Variants in RAP1GAP2 observed in about 807,000 individuals in gnomAD.
RAP1GAP2 encodes rap1 GTPase-activating protein 2.
RAP1GAP2 carries 27 observed loss-of-function variants against 95.0 expected under a neutral mutation model. The observed-to-expected ratio is 0.28, with a 90% CI of 0.21 to 0.39. The LOEUF (loss-of-function observed/expected upper bound fraction) is 0.39, where lower values mean the gene tolerates loss of function less well. Ranked by LOEUF, RAP1GAP2 falls within the 10% of genes least tolerant of loss-of-function variation. The probability of loss-of-function intolerance (pLI) is 1.00; values close to 1 mark genes in which losing one functional copy is unlikely to be tolerated. For synonymous variants in RAP1GAP2, 373 were observed against 380.9 expected, an observed-to-expected ratio of 0.98 and a Z score of 0.24; for missense variants, 771 against 970.0, an observed-to-expected ratio of 0.79 and a Z score of 2.72.
intron 1 of RAP1GAP2, among the ~76,000 whole-genome samples, chr17:2,757,262 G>A (rs1280459894): frequency 6.6e-6 from 1 of 152,126 alleles, no homozygotes; most frequent in Non-Finnish European, 1.5e-5. Context: ...GGGACTGCAG[G>A]CATGGGCCAT....
Position 2,963,333 on chromosome 17 carries a change from C to T in RAP1GAP2, c.247-97C>T, listed in dbSNP as rs1249893144. 1.9e-5 allele frequency: 26 copies of T among 1,381,534 alleles called. No individual in the cohort carries two copies. The highest frequency in any genetic ancestry group is 3.6e-4 in the Middle Eastern group (2 of 5,604). The allele number at this position is 1,381,534 out of a possible 1,614,324, so 85.6% of individuals were successfully genotyped here. On this transcript the variant is annotated intron_variant, in intron 5 of 24. Coordinates refer to ENST00000254695, the MANE Select transcript of RAP1GAP2 (RefSeq NM_015085.5). This position sits in a 1 kb window ranked among gnomAD's most constrained non-coding sequence, Gnocchi z 4.8. Reference sequence around the variant, plus strand: ...ATCGAATGTTCCTCCCTCAAAGCCCCCCCACAACATATCCCCCTTGCAAGA... The same window carrying T: ...ATCGAATGTTCCTCCCTCAAAGCCCTCCCACAACATATCCCCCTTGCAAGA...
At chr17:2,801,597 ATG>A (rs71150898) in intron 2 of RAP1GAP2, among the ~76,000 whole-genome samples, 4,992 of 121,398 alleles carry the variant, frequency 0.041, 91 homozygotes, top group African/African-American at 0.069. Flanking sequence ...ACTCCAGGGT[ATG>A]TGTGTGTGTG....
At chr17:2,769,232 TAAAAAAAAAAAAA>T (rs58436827) in intron 1 of RAP1GAP2, among the ~76,000 whole-genome samples, 21 of 42,912 alleles carry the variant, frequency 4.9e-4, no homozygotes, top group East Asian at 1.8e-3. Flanking sequence ...ACCATTTCTC[TAAAAAAAAAAAAA>T]AAAAAAAAAA....
chr17:2,895,721 C>T lies in RAP1GAP2; in HGVS notation c.81-9563C>T, dbSNP rs566946871. Among the ~76,000 whole-genome samples the T allele has an allele frequency of 1.4e-4, 21 of 152,146 alleles. No individual in the cohort carries two copies. In the South Asian group the frequency reaches 1.5e-3, roughly 11 times the overall value. On this transcript the variant is annotated intron_variant, in intron 2 of 24. Coordinates refer to ENST00000254695, the MANE Select transcript of RAP1GAP2 (RefSeq NM_015085.5). ...CCTCCCGAGTAGCTGGGATTACAGGCGCCTGCCACCATGCCTGGCTAATTT... is the reference window on the plus strand; with the variant it reads ...CCTCCCGAGTAGCTGGGATTACAGGTGCCTGCCACCATGCCTGGCTAATTT...
intron 3 of RAP1GAP2, among the ~76,000 whole-genome samples, chr17:2,946,759 CT>C (rs1447322030): frequency 1.3e-5 from 2 of 152,216 alleles, no homozygotes; most frequent in South Asian, 2.1e-4. Flanking sequence ...GCCTAGGAAA[CT>C]TTTTTTATTT....
chr17:2,985,840 A>T (rs1226276862), intron 11 of RAP1GAP2, among the ~76,000 whole-genome samples: 1 of 152,086 alleles, frequency 6.6e-6, no homozygotes, highest in Non-Finnish European at 1.5e-5. Flanking sequence ...ACTTTGTTGA[A>T]CTTAGTGGTT....
chr17:2,783,196 T>C (rs1021825066), intron 1 of RAP1GAP2, among the ~76,000 whole-genome samples: 1 of 152,324 alleles, frequency 6.6e-6, no homozygotes, highest in Non-Finnish European at 1.5e-5. Context: ...TGTGAAGCTG[T>C]GTCCGTCTCG....
At chr17:2,923,841 C>T (rs75752606) in intron 3 of RAP1GAP2, among the ~76,000 whole-genome samples, 8,023 of 152,282 alleles carry the variant, frequency 0.053, 687 homozygotes, top group African/African-American at 0.18. Context: ...ATTTGCTAAT[C>T]GTCCAGACAT....
intron 2 of RAP1GAP2, among the ~76,000 whole-genome samples, chr17:2,829,144 G>A (rs1034058811): frequency 1.6e-4 from 25 of 151,950 alleles, no homozygotes; most frequent in Admixed American, 5.3e-4. Flanking sequence ...CACCACGCCC[G>A]GCTAATTTTT....
At chr17:2,993,625 C>G (rs532769209) in intron 12 of RAP1GAP2, among the ~76,000 whole-genome samples, 64 of 149,964 alleles carry the variant, frequency 4.3e-4, no homozygotes, top group Non-Finnish European at 8.8e-4. Context: ...ATAATGCTCA[C>G]GAAACACTTA....
chr17:2,961,933 G>A (rs1386490909), intron 4 of RAP1GAP2, among the ~76,000 whole-genome samples: 1 of 134,506 alleles, frequency 7.4e-6, no homozygotes, highest in Non-Finnish European at 1.5e-5. Flanking sequence ...ACGGAGTTTC[G>A]CTCTTGTTGC....
chr17:2,789,606 C>G (rs1194933207), intron 1 of RAP1GAP2, among the ~76,000 whole-genome samples: 1 of 60,278 alleles, frequency 1.7e-5, no homozygotes, highest in Non-Finnish European at 2.8e-5. Context: ...ACAGTCTCTA[C>G]TAAAAAAAAA....
At chr17:2,826,782 C>A (rs976837381) in intron 2 of RAP1GAP2, among the ~76,000 whole-genome samples, 1 of 151,970 alleles carries the variant, frequency 6.6e-6, no homozygotes, top group Non-Finnish European at 1.5e-5. Flanking sequence ...CTGAGGCGGG[C>A]GGATCACGAG....
intron 1 of RAP1GAP2, among the ~76,000 whole-genome samples, chr17:2,798,829 G>A (rs1044151818): frequency 6.6e-6 from 1 of 152,208 alleles, no homozygotes; most frequent in African/African-American, 2.4e-5. Flanking sequence ...TGTAGGCGTG[G>A]TTTGAACCAG....
At chr17:2,801,745 G>A (rs533936420) in intron 2 of RAP1GAP2, among the ~76,000 whole-genome samples, 39 of 152,132 alleles carry the variant, frequency 2.6e-4, no homozygotes, top group African/African-American at 8.9e-4. Flanking sequence ...GACTCAGGGT[G>A]TGGGAATTAC....
At chr17:2,869,649 T>A (rs564311153) in intron 2 of RAP1GAP2, among the ~76,000 whole-genome samples, 1 of 152,092 alleles carries the variant, frequency 6.6e-6, no homozygotes, top group African/African-American at 2.4e-5. Context: ...AAGTTGAAGG[T>A]CCCTCAGGGC....
intron 3 of RAP1GAP2, among the ~76,000 whole-genome samples, chr17:2,955,278 C>T (rs1048066765): frequency 6.6e-6 from 1 of 152,198 alleles, no homozygotes; most frequent in African/African-American, 2.4e-5. Context: ...TTCTCCACAG[C>T]CTTGCTCACG....
At chr17:2,925,972 T>C (rs1010643416) in intron 3 of RAP1GAP2, among the ~76,000 whole-genome samples, 5 of 151,904 alleles carry the variant, frequency 3.3e-5, no homozygotes, top group African/African-American at 7.3e-5. Context: ...AAGCCCTGTC[T>C]CTACTAAAAA....
intron 2 of RAP1GAP2, among the ~76,000 whole-genome samples, chr17:2,813,757 C>T (rs895903814): frequency 3.3e-5 from 5 of 151,922 alleles, no homozygotes; most frequent in African/African-American, 9.7e-5. Flanking sequence ...AGGAGTTCGT[C>T]GAGACCAGCC....
Sources: allele counts gnomAD v4.1 joint callset (sites outside exome capture counted in the v4.1 genomes callset), GRCh38; gene constraint gnomAD v4.1.1; non-coding constraint Gnocchi (gnomAD v3.1); transcripts MANE v1.5; gene names NCBI Gene and HGNC (gene_info 2026-07-23, HGNC 2026-07-21).